The following RET variants were observed in gnomAD, a reference collection of about 807,000 sequenced individuals.
RET encodes the protein proto-oncogene tyrosine-protein kinase receptor Ret.
A neutral mutation model predicts 118.3 loss-of-function variants in RET; 19 were observed. The ratio of observed to expected loss-of-function variants is 0.16; its 90% CI spans 0.11 to 0.24. The LOEUF is 0.24. Among genes scored for constraint, RET ranks in the 10% least tolerant of loss-of-function variants. RET has a pLI of 1.00. For synonymous variants in RET, 597 were observed against 644.1 expected, an observed-to-expected ratio of 0.93 and a Z score of 1.11; for missense variants, 1,219 against 1,502.1, an observed-to-expected ratio of 0.81 and a Z score of 3.12.
At chr10:43,100,427 C>T (rs2132655627) in intron 1 of RET, 32 bp from the exon 2 acceptor site, 1 of 1,609,178 alleles carries the variant, frequency 6.2e-7, no homozygotes, top group South Asian at 1.1e-5. Context: ...CTTATTCTCA[C>T]CATCCCTCAC....
rs892268965 is a variant in RET, at chr10:43,130,076, T to G, written c.*1807T>G. The stretch of plus-strand genomic sequence containing the variant: ...AAACAGCTGACCCAGTGATGGGGAA[T>G]TTATCCTTGACCAATTTATCCTTGA... On this transcript the variant is annotated 3_prime_UTR_variant, in exon 20 of 20. Coordinates refer to ENST00000355710, the MANE Select transcript of RET (RefSeq NM_020975.6). 1 of 397,456 alleles carries G rather than the reference T, an allele frequency of 2.5e-6. No individual in the cohort carries two copies. The allele number at this position is 397,456 out of a possible 1,614,324, so 24.6% of individuals were successfully genotyped here. A position where few individuals can be genotyped will look rare whatever the true frequency, so the allele number is the denominator to read the frequency against.
intron 13 of RET, among the ~76,000 whole-genome samples, chr10:43,119,012 G>T (rs2075911): frequency 1.3e-5 from 2 of 152,166 alleles, no homozygotes; most frequent in African/African-American, 4.8e-5. Flanking sequence ...GGGTGTGTGC[G>T]AGAGGGATAG....
chr10:43,077,939 G>A (rs926970544), intron 1 of RET, among the ~76,000 whole-genome samples: 7 of 152,214 alleles, frequency 4.6e-5, no homozygotes, highest in Non-Finnish European at 1.0e-4. Context: ...CCCCCCGAGG[G>A]GCCGCCGTGA....
In RET at chr10:43,104,979, C is replaced by A. The variant is rs1197513567; in HGVS notation, c.653C>A (p.Pro218Gln). The change falls in exon 4 of 20, where the codon CCG becomes CAG. Residue 218 changes from proline to glutamine, a missense_variant. This residue lies in a region of RET where 850 missense variants were observed against 969.6 expected (regional missense o/e 0.88). Transcript: ENST00000355710. ...EGEGLPFRCA[P>Q]DSLEVSTRWA... Reference sequence around the variant, plus strand: ...GAGGGTCTGCCCTTCCGCTGCGCCCCGGACAGCCTGGAGGTGAGCACGCGC... The same window carrying A: ...GAGGGTCTGCCCTTCCGCTGCGCCCAGGACAGCCTGGAGGTGAGCACGCGC... The A allele has an allele frequency of 6.3e-7, 1 of 1,577,932 alleles. No individual in the cohort carries two copies.
In RET at chr10:43,119,647, T is replaced by A; in HGVS notation, c.2509T>A (p.Ser837Thr). 3 of 1,613,246 alleles carry A rather than the reference T, an allele frequency of 1.9e-6. No homozygotes were observed. Among genetic ancestry groups the A allele is most frequent in the Non-Finnish European group, 2.5e-6 (3 of 1,179,958 alleles). Reference sequence around the variant, plus strand: ...CAGTGGAGGCAGCCGCAACTCCAGCTCCCTGGACCACCCGGATGAGCGGGC... The same window carrying A: ...CAGTGGAGGCAGCCGCAACTCCAGCACCCTGGACCACCCGGATGAGCGGGC... Reference protein sequence around the residue: ...LGSGGSRNSSSLDHPDERALT... With the variant: ...LGSGGSRNSSTLDHPDERALT... Residue 837 changes from serine to threonine, a missense_variant, in exon 14 of 20, where the codon TCC (serine) becomes ACC (threonine). Physicochemically the swap from Ser to Thr is moderately conservative, Grantham distance 58 (BLOSUM62 1). This residue lies in a region of RET where 850 missense variants were observed against 969.6 expected (regional missense o/e 0.88). Coordinates refer to ENST00000355710, the MANE Select transcript of RET (RefSeq NM_020975.6).
rs1260265282 is a variant in RET, at chr10:43,130,085, G to A, written c.*1816G>A. 1 of 397,318 alleles carries A rather than the reference G, an allele frequency of 2.5e-6. No homozygotes were observed. The highest frequency in any genetic ancestry group is 4.4e-6 in the Non-Finnish European group (1 of 225,600). 24.6% of individuals were successfully genotyped at this position (397,318 alleles called of 1,614,324 possible). ...ACCCAGTGATGGGGAATTTATCCTT[G>A]ACCAATTTATCCTTGACCAATAACC... On this transcript the variant is annotated 3_prime_UTR_variant, in exon 20 of 20. Coordinates refer to ENST00000355710, the MANE Select transcript of RET (RefSeq NM_020975.6).
At chr10:43,120,900 G>C (rs911186465) in intron 15 of RET, among the ~76,000 whole-genome samples, 2 of 151,798 alleles carry the variant, frequency 1.3e-5, no homozygotes, top group Non-Finnish European at 2.9e-5. Context: ...AGGCCATGCC[G>C]CCCAGACGTT....
chr10:43,092,257 C>G (rs1837426736), intron 1 of RET, among the ~76,000 whole-genome samples: 1 of 152,186 alleles, frequency 6.6e-6, no homozygotes, highest in Middle Eastern at 3.2e-3. Context: ...TACATGAGGT[C>G]CCTGCAGTCG....
At chr10:43,105,721 G>A (rs966936545) in intron 4 of RET, among the ~76,000 whole-genome samples, 1 of 152,086 alleles carries the variant, frequency 6.6e-6, no homozygotes, top group Non-Finnish European at 1.5e-5. Context: ...GTGGGCGTGG[G>A]GACTGAGGTA....
rs587780812 is a variant in RET, at chr10:43,077,289, C to T, written c.31C>T (p.Leu11=). The change falls in exon 1 of 20, where the codon CTG becomes TTG. Residue 11 remains leucine (L), a synonymous_variant. Coordinates refer to ENST00000355710, the MANE Select transcript of RET (RefSeq NM_020975.6). ...GAAGGCGACGTCCGGTGCCGCGGGG[C>T]TGCGTCTGCTGTTGCTGCTGCTGCT... MAKATSGAAG[L]RLLLLLLLPL... The T allele has an allele frequency of 6.6e-6, 10 of 1,509,608 alleles. No homozygotes were observed. Among genetic ancestry groups the T allele is most frequent in the East Asian group, 5.2e-5 (2 of 38,428 alleles). The allele number at this position is 1,509,608 out of a possible 1,614,324, so 93.5% of individuals were successfully genotyped here. A position where few individuals can be genotyped will look rare whatever the true frequency, so the allele number is the denominator to read the frequency against.
rs1193990737 is a variant in RET at position 43,128,621 on chromosome 10, A to G, written c.*352A>G. On this transcript the variant is annotated 3_prime_UTR_variant, in exon 20 of 20. Transcript: ENST00000355710. ...TCCAACACTTACTACCTGGTGTATG[A>G]AATTGGACCTGAACTGTTGGATTTT... 1.1e-5 allele frequency: 5 copies of G among 436,812 alleles called. No homozygotes were observed. Among genetic ancestry groups the G allele is most frequent in the Non-Finnish European group, 2.1e-5 (5 of 234,312 alleles). 27.1% of individuals were successfully genotyped at this position (436,812 alleles called of 1,614,324 possible). A position where few individuals can be genotyped will look rare whatever the true frequency, so the allele number is the denominator to read the frequency against.
intron 18 of RET, among the ~76,000 whole-genome samples, chr10:43,126,020 C>T (rs950399280): frequency 2.0e-5 from 3 of 152,182 alleles, no homozygotes; most frequent in African/African-American, 7.2e-5. Flanking sequence ...GCTGGGGAGC[C>T]CGTGCCTGTA....
chr10:43,125,405 T>A (rs142056093), intron 18 of RET, among the ~76,000 whole-genome samples: 76 of 152,286 alleles, frequency 5.0e-4, no homozygotes, highest in African/African-American at 1.7e-3. Context: ...GCCAGCCCCC[T>A]CCAAAGGGTT....
intron 1 of RET, among the ~76,000 whole-genome samples, chr10:43,085,819 A>T (rs1230825729): frequency 6.6e-6 from 1 of 152,036 alleles, no homozygotes; most frequent in East Asian, 1.9e-4. Context: ...TGCTCCCAGG[A>T]CCTGGATAAC....
intron 1 of RET, among the ~76,000 whole-genome samples, chr10:43,090,019 C>T (rs909059521): frequency 2.0e-5 from 3 of 152,178 alleles, no homozygotes; most frequent in African/African-American, 4.8e-5. Context: ...CCAGGCTGAG[C>T]GAGCGAGCAC....
chr10:43,111,964 C>A (rs1837944509), intron 7 of RET, 135 bp from the exon 8 acceptor site: 2 of 1,284,942 alleles, frequency 1.6e-6, no homozygotes, highest in Non-Finnish European at 2.2e-6. Context: ...TCTTTGCTGC[C>A]CTGGGTCTGT....
chr10:43,126,725 A>G lies in RET; in HGVS notation c.3187+3A>G. The G allele has an allele frequency of 1.9e-6, 3 of 1,613,944 alleles. No homozygotes were observed. Among genetic ancestry groups the G allele is most frequent in the Non-Finnish European group, 2.5e-6 (3 of 1,179,950 alleles). On this transcript the variant is annotated splice_donor_region_variant and intron_variant, in intron 19 of 19. Transcript: ENST00000355710. The stretch of plus-strand genomic sequence containing the variant: ...ATGGATTGAAAACAAACTCTATGGT[A>G]GAATTTCCCATGCATTTACTAGATT...
intron 16 of RET, among the ~76,000 whole-genome samples, 161 bp from the exon 17 acceptor site, chr10:43,123,510 A>G (rs1469869836): frequency 1.3e-5 from 2 of 152,118 alleles, no homozygotes; most frequent in Admixed American, 6.5e-5. Context: ...TTCATGCTAC[A>G]TCCATCTGAG....
intron 1 of RET, among the ~76,000 whole-genome samples, chr10:43,077,628 T>A (rs1837078112): frequency 6.6e-6 from 1 of 151,992 alleles, no homozygotes. Context: ...GGTCTCAATC[T>A]GGCCGCGCCC....
Sources: gnomAD v4.1 joint callset for allele counts (sites outside exome capture counted in the v4.1 genomes callset) on GRCh38, gnomAD v4.1.1 for gene constraint, gnomAD v4.1.1 regional missense constraint, MANE v1.5 for transcripts, NCBI Gene and HGNC (gene_info 2026-07-23, HGNC 2026-07-21) for gene names.